Variants in EQTN observed in about 807,000 individuals in gnomAD.
EQTN encodes the protein Acrosome formation associated factor.
A neutral mutation model predicts 26.9 loss-of-function variants in EQTN; 29 were observed. That is an observed-to-expected ratio of 1.08 (90% CI 0.80 to 1.47). The LOEUF (loss-of-function observed/expected upper bound fraction) is 1.47. Ranked by LOEUF, EQTN falls within the 40% of genes most tolerant of loss-of-function variation. The pLI is 0.00. For missense variants in EQTN, 391 were observed against 346.1 expected (o/e 1.13, Z -1.03); for synonymous variants, 129 against 120.0 (o/e 1.07, Z -0.49).
At position 27,287,786 on chromosome 9, in the gene EQTN, C is replaced by CACTCAATT. The variant is rs373993902; in HGVS notation, c.482-1432_482-1425dup. 2.3e-3 allele frequency among the ~76,000 whole-genome samples: 349 copies of CACTCAATT among 152,236 alleles called. 1 individual carries two copies. Among genetic ancestry groups the CACTCAATT allele is most frequent in the African/African-American group, 8.0e-3 (332 of 41,554 alleles). ...ATAACTTTTCTAAACAAAGAAGGAT[C>CACTCAATT]ACTCAATTTTCTTTTCTTTTCTTTT... On this transcript the variant is annotated intron_variant, in intron 6 of 7. Transcript: ENST00000380032.
intron 6 of EQTN, among the ~76,000 whole-genome samples, chr9:27,288,884 G>A (rs1235902558): frequency 6.6e-6 from 1 of 152,128 alleles, no homozygotes. Context: ...AATTGATGGG[G>A]CAGAGGAGAT....
chr9:27,295,698 G>A (rs1262871760), intron 2 of EQTN, among the ~76,000 whole-genome samples: 1 of 151,900 alleles, frequency 6.6e-6, no homozygotes, highest in African/African-American at 2.4e-5. Context: ...CGGGCGTGGT[G>A]GCGGGCGCCT....
chr9:27,285,469 C>G (rs1429496991), intron 7 of EQTN, among the ~76,000 whole-genome samples: 2 of 152,010 alleles, frequency 1.3e-5, no homozygotes, highest in African/African-American at 4.8e-5. Context: ...TAATTTGATT[C>G]TATGTAACAC....
intron 6 of EQTN, 41 bp from the exon 7 acceptor site, chr9:27,286,403 T>C: frequency 6.5e-7 from 1 of 1,545,128 alleles, no homozygotes; most frequent in South Asian, 1.2e-5. Flanking sequence ...GGGTGTTCAG[T>C]GTGTTCTCCT....
chr9:27,296,528 A>T, intron 2 of EQTN, 85 bp downstream of exon 2: 1 of 957,810 alleles, frequency 1.0e-6, no homozygotes, highest in South Asian at 1.8e-5. Context: ...ACAGGGGGAA[A>T]TGATGGAAAT....
chr9:27,286,430 C>A, intron 6 of EQTN, 68 bp from the exon 7 acceptor site: 2 of 1,468,596 alleles, frequency 1.4e-6, no homozygotes, highest in African/African-American at 1.4e-5. Context: ...GTAAAGATTG[C>A]AAAGCAAATA....
intron 3 of EQTN, among the ~76,000 whole-genome samples, 162 bp downstream of exon 3, chr9:27,294,154 C>G (rs1820290109): frequency 6.6e-6 from 1 of 152,140 alleles, no homozygotes; most frequent in Admixed American, 6.5e-5. Flanking sequence ...AGAGGATGGC[C>G]AAGAACTAAG....
At chr9:27,290,072 T>C (rs1015006802) in intron 5 of EQTN, among the ~76,000 whole-genome samples, 3 of 152,164 alleles carry the variant, frequency 2.0e-5, no homozygotes, top group African/African-American at 7.2e-5. Flanking sequence ...AACAGCACTA[T>C]AACACTTGCC....
Position 27,297,039 on chromosome 9 carries a change from A to G in EQTN, c.17T>C (p.Phe6Ser), listed in dbSNP as rs759785061. The stretch of plus-strand genomic sequence containing the variant: ...GGAAAAAACTCCAGGTATAAAAATA[A>G]ACAATATAAAATTCATTGGGAAATT... MNFIL[F>S]IFIPGVFSLK... Residue 6 changes from phenylalanine to serine, a missense_variant, in exon 1 of 8, where the codon TTT (phenylalanine) becomes TCT (serine). By Grantham distance (155) the Phe-to-Ser change is radical (BLOSUM62 -2). Transcript: ENST00000380032. 2 of 1,607,496 alleles carry G rather than the reference A, an allele frequency of 1.2e-6. No homozygotes were observed. Among genetic ancestry groups the G allele is most frequent in the Non-Finnish European group, 1.7e-6 (2 of 1,174,956 alleles).
In EQTN at chr9:27,286,090, T is replaced by G. The variant is rs573071909; in HGVS notation, c.635+119A>C. On this transcript the variant is annotated intron_variant, in intron 7 of 7. Transcript: ENST00000380032. Reference sequence around the variant, plus strand: ...TCCGAATAGGGTAAATGGAATCAATTTGAATGTCGTATGGATGAATTCAGA... The same window carrying G: ...TCCGAATAGGGTAAATGGAATCAATGTGAATGTCGTATGGATGAATTCAGA... 3 of 1,010,960 alleles carry G rather than the reference T, an allele frequency of 3.0e-6. No individual in the cohort carries two copies. The African/African-American group carries it at 4.8e-5, about 16-fold the overall frequency. 62.6% of individuals were successfully genotyped at this position (1,010,960 alleles called of 1,614,324 possible).
intron 1 of EQTN, 25 bp from the exon 2 acceptor site, chr9:27,296,763 A>AT: frequency 6.3e-7 from 1 of 1,592,204 alleles, no homozygotes; most frequent in South Asian, 1.2e-5. Flanking sequence ...CACACACCAT[A>AT]GATCAGAAAT....
At chr9:27,291,726 T>C (rs1380378954) in intron 4 of EQTN, among the ~76,000 whole-genome samples, 2 of 152,210 alleles carry the variant, frequency 1.3e-5, no homozygotes, top group African/African-American at 4.8e-5. Flanking sequence ...AAAGATTTTT[T>C]TCAGTAGTGT....
At chr9:27,287,701 A>G (rs185492629) in intron 6 of EQTN, among the ~76,000 whole-genome samples, 2 of 152,370 alleles carry the variant, frequency 1.3e-5, no homozygotes, top group East Asian at 1.9e-4. Flanking sequence ...TCACTTAAAT[A>G]TTAAATAGGA....
rs551366069 is a variant in EQTN at position 27,284,732 on chromosome 9, A to T, written c.876T>A (p.Val292=). Residue 292 remains valine (V), a synonymous_variant, in exon 8 of 8, where the codon GTT becomes GTA. Transcript: ENST00000380032. Reference sequence around the variant, plus strand: ...GGGTTCCTTGATTTCTTCACCGGGTAACCGACTCATCGTTTTCATGCATCT... The same window carrying T: ...GGGTTCCTTGATTTCTTCACCGGGTTACCGACTCATCGTTTTCATGCATCT... The part of the protein sequence containing the change: ...DNEMHENDES[V]TR The T allele has an allele frequency of 6.8e-6, 11 of 1,613,450 alleles. No homozygotes were observed. The South Asian group carries it at 1.2e-4, about 18-fold the overall frequency.
In EQTN at chr9:27,284,844, G is replaced by A. The variant is rs773627822; in HGVS notation, c.764C>T (p.Thr255Ile). 1.2e-6 allele frequency: 2 copies of A among 1,614,028 alleles called. No homozygotes were observed. The highest frequency in any genetic ancestry group is 2.2e-5 in the South Asian group (2 of 91,066). The change falls in exon 8 of 8, where the codon ACC becomes ATC. Residue 255 changes from threonine to isoleucine, a missense_variant. By Grantham distance (89) the Thr-to-Ile change is moderately conservative. Transcript: ENST00000380032. ...KSAESSTFLGTTSSDMRRSGT... is the reference protein window; with the variant it reads ...KSAESSTFLGITSSDMRRSGT... Reference sequence around the variant, plus strand: ...TGATCTTCTCATATCTGAAGAAGTGGTACCCAAAAATGTGCTGCTCTCTGC... The same window carrying A: ...TGATCTTCTCATATCTGAAGAAGTGATACCCAAAAATGTGCTGCTCTCTGC...
intron 6 of EQTN, among the ~76,000 whole-genome samples, chr9:27,288,747 C>G (rs1241661107): frequency 6.6e-6 from 1 of 152,118 alleles, no homozygotes; most frequent in African/African-American, 2.4e-5. Context: ...GTGAAAGAAG[C>G]TAGTCTGAAA....
rs138916589 is a variant in EQTN at position 27,286,261 on chromosome 9, C to T, written c.583G>A (p.Val195Met). ...GISLMTLLLF[V>M]VLLAFCSATL... ...GCACTACAGAATGCCAAGAGGACCA[C>T]AAAGAGGAGGAGGGTCATCAACGAG... The change falls in exon 7 of 8, where the codon GTG (valine) becomes ATG (methionine). Residue 195 changes from valine to methionine, a missense_variant. Physicochemically the swap from Val to Met is conservative, Grantham distance 21. Transcript: ENST00000380032. 1.6e-4 allele frequency: 260 copies of T among 1,613,884 alleles called. 1 individual carries two copies. The African/African-American group carries it at 3.0e-3, about 19-fold the overall frequency.
chr9:27,288,382 GT>G (rs753556012), intron 6 of EQTN, among the ~76,000 whole-genome samples: 6 of 152,244 alleles, frequency 3.9e-5, no homozygotes, highest in Non-Finnish European at 5.9e-5. Flanking sequence ...TTGGAAGATA[GT>G]TTGGTAGTTT....
At chr9:27,292,511 TCAG>T (rs778551865) in intron 3 of EQTN, 24 bp from the exon 4 acceptor site, 59 of 1,453,022 alleles carry the variant, frequency 4.1e-5, no homozygotes, top group Non-Finnish European at 5.5e-5. Flanking sequence ...AAAAGAATTA[TCAG>T]CATGTAAAAA....
Sources: allele counts gnomAD v4.1 joint callset (sites outside exome capture counted in the v4.1 genomes callset), GRCh38; gene constraint gnomAD v4.1.1; transcripts MANE v1.5; gene names NCBI Gene and HGNC (gene_info 2026-07-23, HGNC 2026-07-21).